METTL15: variants seen among roughly 807,000 people sequenced by gnomAD.
The protein encoded by METTL15 is 12S rRNA N(4)-cytidine methyltransferase METTL15.
METTL15 carries 34 observed loss-of-function variants against 38.3 expected under a neutral mutation model. The observed-to-expected ratio is 0.89, with a 90% CI of 0.68 to 1.18. The LOEUF is 1.18. METTL15 is among the 50% of genes most tolerant of loss of function. METTL15 has a pLI of 0.00. For missense variants in METTL15, 438 were observed against 498.4 expected (o/e 0.88, Z 1.15); for synonymous variants, 162 against 170.9 (o/e 0.95, Z 0.41).
In METTL15 at chr11:28,378,277, A is replaced by T. The variant is rs1238073575; in HGVS notation, c.*358+16241A>T. On this transcript the variant is annotated intron_variant and NMD_transcript_variant, in intron 5 of 7. Transcript: ENST00000532947. ...AGCCTCACTGCTGCCTTGCAGTTTGATCTCAGACTGCTGTGCTAGCAATCA... is the reference window on the plus strand; with the variant it reads ...AGCCTCACTGCTGCCTTGCAGTTTGTTCTCAGACTGCTGTGCTAGCAATCA... 3.3e-5 allele frequency among the ~76,000 whole-genome samples: 5 copies of T among 152,228 alleles called. No homozygotes were observed. The East Asian group carries it at 9.7e-4, about 29-fold the overall frequency.
At chr11:28,251,459 A>G (rs1398068284) in intron 4 of METTL15, among the ~76,000 whole-genome samples, 1 of 152,038 alleles carries the variant, frequency 6.6e-6, no homozygotes, top group East Asian at 1.9e-4. Flanking sequence ...ATATTTGGCT[A>G]GGTCATCAAT....
chr11:28,461,642 CA>C (rs201139308), intron 6 of METTL15, among the ~76,000 whole-genome samples: 3 of 149,826 alleles, frequency 2.0e-5, no homozygotes, highest in South Asian at 2.1e-4. Flanking sequence ...CAGAGAATTA[CA>C]AAAAAAAAGA....
chr11:28,376,263 G>C (rs1160497646), intron 5 of METTL15, among the ~76,000 whole-genome samples: 1 of 152,092 alleles, frequency 6.6e-6, no homozygotes, highest in Non-Finnish European at 1.5e-5. Flanking sequence ...TGTTGACAGT[G>C]GGGTGTTAAA....
intron 6 of METTL15, among the ~76,000 whole-genome samples, chr11:28,499,080 T>G (rs1851559516): frequency 1.3e-5 from 2 of 152,196 alleles, no homozygotes; most frequent in African/African-American, 4.8e-5. Flanking sequence ...AAATGAGATC[T>G]AGCTATGATA....
intron 4 of METTL15, among the ~76,000 whole-genome samples, chr11:28,219,527 T>A (rs192135496): frequency 6.6e-6 from 1 of 152,210 alleles, no homozygotes; most frequent in Non-Finnish European, 1.5e-5. Flanking sequence ...GATTTATTGA[T>A]TTTTTTGAAG....
chr11:28,275,001 T>C (rs892946877), intron 4 of METTL15, among the ~76,000 whole-genome samples: 4 of 151,414 alleles, frequency 2.6e-5, no homozygotes, highest in Non-Finnish European at 5.9e-5. Flanking sequence ...TATAGTAATA[T>C]ATGGCTTACA....
intron 3 of METTL15, among the ~76,000 whole-genome samples, chr11:28,132,439 C>G (rs151334949): frequency 1.6e-4 from 24 of 152,058 alleles, no homozygotes; most frequent in Non-Finnish European, 3.1e-4. Flanking sequence ...GTTCTTGTCC[C>G]TTAACCTTAC....
chr11:28,120,938 G>T (rs1253034506), intron 3 of METTL15, among the ~76,000 whole-genome samples: 1 of 151,986 alleles, frequency 6.6e-6, no homozygotes, highest in East Asian at 1.9e-4. Flanking sequence ...CACATGAGCT[G>T]TCTCAACACA....
At chr11:28,216,663 T>G (rs1244829684) in intron 4 of METTL15, among the ~76,000 whole-genome samples, 2 of 151,662 alleles carry the variant, frequency 1.3e-5, no homozygotes, top group Non-Finnish European at 2.9e-5. Context: ...CTGCACCCAT[T>G]AGCTCATCAT....
chr11:28,355,513 C>G (rs866334361), intron 4 of METTL15, among the ~76,000 whole-genome samples: 6 of 152,166 alleles, frequency 3.9e-5, no homozygotes, highest in Middle Eastern at 3.4e-3. Context: ...CGTGCGTATC[C>G]ATGAATTCCA....
At chr11:28,411,138 A>C (rs1850720856) in intron 5 of METTL15, among the ~76,000 whole-genome samples, 1 of 152,064 alleles carries the variant, frequency 6.6e-6, no homozygotes, top group African/African-American at 2.4e-5. Context: ...TTCATGAATA[A>C]GAAGAATTAA....
chr11:28,211,259 A>C (rs1413041960), intron 4 of METTL15, 61 bp downstream of exon 4: 4 of 1,499,846 alleles, frequency 2.7e-6, no homozygotes, highest in Non-Finnish European at 3.6e-6. Context: ...AGCTTGGTTT[A>C]CCACCTTGGA....
At chr11:28,483,212 A>G (rs927412708) in intron 6 of METTL15, among the ~76,000 whole-genome samples, 1 of 152,136 alleles carries the variant, frequency 6.6e-6, no homozygotes, top group Non-Finnish European at 1.5e-5. Flanking sequence ...AGCTCACTAC[A>G]TGTTGCCTGG....
chr11:28,250,512 T>A (rs1245628938), intron 4 of METTL15, among the ~76,000 whole-genome samples: 1 of 152,044 alleles, frequency 6.6e-6, no homozygotes, highest in African/African-American at 2.4e-5. Context: ...ATGTATCTCT[T>A]CTTTTGAAAA....
chr11:28,317,167 C>G lies in METTL15; in HGVS notation c.779-13229C>G, dbSNP rs977401815. 2.0e-5 allele frequency among the ~76,000 whole-genome samples: 3 copies of G among 151,724 alleles called. No individual in the cohort carries two copies. In the South Asian group the frequency reaches 6.3e-4, roughly 32 times the overall value. On this transcript the variant is annotated intron_variant, in intron 6 of 6. Transcript: ENST00000407364. ...ATGAGGATTTGTAAATCTCAACCAC[C>G]CATAGTGAGATCGTGTTGTCATCAG...
At chr11:28,238,293 A>T (rs1171082437) in intron 4 of METTL15, among the ~76,000 whole-genome samples, 1 of 152,230 alleles carries the variant, frequency 6.6e-6, no homozygotes, top group Middle Eastern at 3.4e-3. Context: ...TGTTTACCTA[A>T]GGGAGCCTGG....
intron 4 of METTL15, among the ~76,000 whole-genome samples, chr11:28,223,592 T>A (rs1853343067): frequency 6.6e-6 from 1 of 152,184 alleles, no homozygotes; most frequent in Admixed American, 6.5e-5. Context: ...TTTATTTTGC[T>A]GTTATTCTAA....
chr11:28,167,428 T>C (rs1348235791), intron 3 of METTL15, among the ~76,000 whole-genome samples: 1 of 152,170 alleles, frequency 6.6e-6, no homozygotes, highest in African/African-American at 2.4e-5. Context: ...TGTCACTGGT[T>C]CAGCTCTGCT....
chr11:28,420,825 C>A (rs893961588), intron 5 of METTL15, among the ~76,000 whole-genome samples: 3 of 151,788 alleles, frequency 2.0e-5, no homozygotes, highest in African/African-American at 7.3e-5. Flanking sequence ...AAAGCAAGAG[C>A]AAACCAAATC....
Sources: gnomAD v4.1 joint callset for allele counts (sites outside exome capture counted in the v4.1 genomes callset) on GRCh38, gnomAD v4.1.1 for gene constraint, MANE v1.5 for transcripts, NCBI Gene and HGNC (gene_info 2026-07-23, HGNC 2026-07-21) for gene names.